Variants in PRUNE2 observed in about 807,000 individuals in gnomAD.
PRUNE2 encodes protein prune homolog 2.
PRUNE2 carries 164 observed loss-of-function variants against 252.0 expected under a neutral mutation model. The observed-to-expected ratio is 0.65, with a 90% CI of 0.57 to 0.74. The LOEUF is 0.74. PRUNE2 is among the 30% of genes least tolerant of loss of function. The pLI is 0.00. For missense variants in PRUNE2, 3,495 were observed against 3,711.0 expected (o/e 0.94, Z 1.51); for synonymous variants, 1,292 against 1,350.2 (o/e 0.96, Z 0.94).
chr9:76,897,464 A>G (rs1204941256), intron 1 of PRUNE2, among the ~76,000 whole-genome samples: 1 of 118,726 alleles, frequency 8.4e-6, no homozygotes, highest in Non-Finnish European at 1.6e-5. Context: ...GTCTGGAAGG[A>G]GTGCAGAGGC....
rs544336657 is a variant in PRUNE2 at position 76,706,314 on chromosome 9, A to G, written c.5960T>C (p.Val1987Ala). The G allele has an allele frequency of 1.2e-6, 2 of 1,613,998 alleles. No individual in the cohort carries two copies. The highest frequency in any genetic ancestry group is 4.5e-5 in the East Asian group (2 of 44,880). Residue 1987 changes from valine (V) to alanine (A), a missense_variant, in exon 8 of 19, where the codon GTT becomes GCT. Val to Ala is a moderately conservative substitution (Grantham distance 64). Transcript: ENST00000376718. ...AEENSCVTSN[V>A]STNEGQETNQ... ...TGTTTCTTGACCTTCATTAGTTGAAACATTAGATGTAACACAACTATTTTC... is the reference window on the plus strand; with the variant it reads ...TGTTTCTTGACCTTCATTAGTTGAAGCATTAGATGTAACACAACTATTTTC...
intron 10 of PRUNE2, among the ~76,000 whole-genome samples, chr9:76,653,151 G>C (rs1452792798): frequency 1.3e-5 from 2 of 152,144 alleles, no homozygotes; most frequent in Non-Finnish European, 2.9e-5. Context: ...TAAATGGTTA[G>C]ATAACTAGTT....
At chr9:76,674,316 G>A (rs2042096995) in intron 9 of PRUNE2, among the ~76,000 whole-genome samples, 1 of 152,220 alleles carries the variant, frequency 6.6e-6, no homozygotes, top group South Asian at 2.1e-4. Flanking sequence ...TTGCTTCAAA[G>A]AGAATAAAAT....
chr9:76,876,569 C>T (rs2061488611), intron 1 of PRUNE2, among the ~76,000 whole-genome samples: 1 of 152,142 alleles, frequency 6.6e-6, no homozygotes, highest in Non-Finnish European at 1.5e-5. Context: ...TCCCTCCCAC[C>T]TAGACATACC....
chr9:76,883,828 GTC>G (rs1156980865), intron 1 of PRUNE2, among the ~76,000 whole-genome samples: 3 of 152,198 alleles, frequency 2.0e-5, no homozygotes, highest in Admixed American at 6.5e-5. Context: ...ATCAAGAGAA[GTC>G]TCTTTCTCCA....
At position 76,636,774 on chromosome 9, in the gene PRUNE2, CTAAAAA is replaced by C. The variant is rs537163662; in HGVS notation, c.8964-223_8964-218del. Among the ~76,000 whole-genome samples, 280 of 151,862 alleles carry C rather than the reference CTAAAAA, an allele frequency of 1.8e-3. 2 individuals are homozygous for C. The highest frequency in any genetic ancestry group is 2.9e-3 in the Non-Finnish European group (195 of 67,958). ...CCAACATGTTGAAACCCCATCTCTA[CTAAAAA>C]TAAAAATAAAAATAAAAATAAAAAA... is the stretch of plus-strand genomic sequence containing the variant. On this transcript the variant is annotated intron_variant, in intron 14 of 18. Coordinates refer to ENST00000376718, the MANE Select transcript of PRUNE2 (RefSeq NM_015225.3).
rs376356094 is a variant in PRUNE2 at position 76,619,356 on chromosome 9, A to C, written c.9220T>G (p.Ser3074Ala). The C allele has an allele frequency of 6.2e-7, 1 of 1,606,004 alleles. No individual in the cohort carries two copies. The highest frequency in any genetic ancestry group is 8.5e-7 in the Non-Finnish European group (1 of 1,174,922). ...AATTCTTACTCCTTCTCCATAGAAGACATTTCTGGATCATTGTAAAGGCAG... is the reference window on the plus strand; with the variant it reads ...AATTCTTACTCCTTCTCCATAGAAGCCATTTCTGGATCATTGTAAAGGCAG... ...TSCLYNDPEM[S>A]SMEKDIDLKL... The change falls in exon 18 of 19, where the codon TCT (serine) becomes GCT (alanine). Residue 3074 changes from serine (S) to alanine (A), a missense_variant. Physicochemically the swap from Ser to Ala is moderately conservative, Grantham distance 99. Coordinates refer to ENST00000376718, the MANE Select transcript of PRUNE2 (RefSeq NM_015225.3).
At chr9:76,780,512 CCT>C (rs1337259187) in intron 6 of PRUNE2, among the ~76,000 whole-genome samples, 5 of 151,822 alleles carry the variant, frequency 3.3e-5, no homozygotes. Context: ...ACAGTGAAAC[CCT>C]GTTTCTAATA....
chr9:76,678,245 A>G (rs2042952325), intron 9 of PRUNE2, among the ~76,000 whole-genome samples: 1 of 149,386 alleles, frequency 6.7e-6, no homozygotes, highest in African/African-American at 2.5e-5. Flanking sequence ...CCAGCTACTC[A>G]GGAGGCTGAG....
intron 6 of PRUNE2, among the ~76,000 whole-genome samples, chr9:76,761,467 C>G (rs2051724139): frequency 6.6e-6 from 1 of 152,062 alleles, no homozygotes; most frequent in Admixed American, 6.6e-5. Context: ...GCCTTTAATC[C>G]CCAAATAACA....
chr9:76,657,699 T>C (rs1223891007), intron 9 of PRUNE2, among the ~76,000 whole-genome samples: 1 of 152,256 alleles, frequency 6.6e-6, no homozygotes, highest in African/African-American at 2.4e-5. Flanking sequence ...TAAAGCACTG[T>C]CTGAGTTTAA....
At chr9:76,848,090 C>T (rs1397625478) in intron 3 of PRUNE2, among the ~76,000 whole-genome samples, 3 of 152,114 alleles carry the variant, frequency 2.0e-5, no homozygotes, top group Admixed American at 6.5e-5. Flanking sequence ...ACGGTGAAAC[C>T]CCGTCTCTAC....
At chr9:76,628,427 G>A (rs1193995359) in intron 16 of PRUNE2, among the ~76,000 whole-genome samples, 1 of 152,132 alleles carries the variant, frequency 6.6e-6, no homozygotes, top group African/African-American at 2.4e-5. Flanking sequence ...AAACAAAAAA[G>A]GTTTAGAAGA....
At chr9:76,753,973 A>G (rs1388395275) in intron 6 of PRUNE2, among the ~76,000 whole-genome samples, 1 of 151,874 alleles carries the variant, frequency 6.6e-6, no homozygotes, top group African/African-American at 2.4e-5. Context: ...CAGGGCTGAG[A>G]ACCATGGATC....
At chr9:76,682,408 C>A (rs1414617167) in intron 9 of PRUNE2, among the ~76,000 whole-genome samples, 1 of 143,786 alleles carries the variant, frequency 7.0e-6, no homozygotes, top group African/African-American at 2.5e-5. Flanking sequence ...GTTGCCCAGG[C>A]TAGAGTGCAG....
Position 76,706,204 on chromosome 9 carries a change from G to C in PRUNE2, c.6070C>G (p.Pro2024Ala). 1 of 1,613,880 alleles carries C rather than the reference G, an allele frequency of 6.2e-7. No individual in the cohort carries two copies. The highest frequency in any genetic ancestry group is 8.5e-7 in the Non-Finnish European group (1 of 1,179,830). The change falls in exon 8 of 19, where the codon CCC becomes GCC. Residue 2024 changes from proline to alanine, a missense_variant. Coordinates refer to ENST00000376718, the MANE Select transcript of PRUNE2 (RefSeq NM_015225.3). ...ATENFPAVSS[P>A]TQLIMKPGSE... ...CCTGGCTTCATTATCAGTTGGGTGG[G>C]AGAACTGACAGCAGGAAAATTTTCT...
chr9:76,872,600 AACACACAC>A (rs71354690), intron 1 of PRUNE2, among the ~76,000 whole-genome samples: 4,541 of 139,336 alleles, frequency 0.033, 74 homozygotes, highest in Middle Eastern at 0.043. Flanking sequence ...GATTATGGAA[AACACACAC>A]ACACACACAC....
Position 76,708,935 on chromosome 9 carries a change from G to C in PRUNE2, c.3339C>G (p.Asp1113Glu). The C allele has an allele frequency of 6.2e-7, 1 of 1,614,014 alleles. No homozygotes were observed. Among genetic ancestry groups the C allele is most frequent in the Non-Finnish European group, 8.5e-7 (1 of 1,179,894 alleles). ...CCTCCAAAATCACTCTGTTCCACAAGTCGAGACTGTCAGGGGCCGTCTGCC... is the reference window on the plus strand; with the variant it reads ...CCTCCAAAATCACTCTGTTCCACAACTCGAGACTGTCAGGGGCCGTCTGCC... ...NSRQTAPDSL[D>E]LWNRVILEDT... Residue 1113 changes from aspartate to glutamate, a missense_variant, in exon 8 of 19, where the codon GAC becomes GAG. Physicochemically the swap from Asp to Glu is conservative, Grantham distance 45 (BLOSUM62 2). Coordinates refer to ENST00000376718, the MANE Select transcript of PRUNE2 (RefSeq NM_015225.3).
chr9:76,625,188 A>G (rs918918247), intron 16 of PRUNE2: 1 of 494,558 alleles, frequency 2.0e-6, no homozygotes, highest in African/African-American at 2.0e-5. Flanking sequence ...TGCACCATGT[A>G]ACATCATTTG....
Sources: gnomAD v4.1 joint callset for allele counts (sites outside exome capture counted in the v4.1 genomes callset) on GRCh38, gnomAD v4.1.1 for gene constraint, MANE v1.5 for transcripts, NCBI Gene and HGNC (gene_info 2026-07-23, HGNC 2026-07-21) for gene names.